The following XPO7 variants were observed in gnomAD, a reference collection of about 807,000 sequenced individuals.
The protein encoded by XPO7 is exportin 7, also known as exportin-7.
A neutral mutation model predicts 144.3 loss-of-function variants in XPO7; 21 were observed. That is an observed-to-expected ratio of 0.15 (90% confidence interval 0.10 to 0.21). XPO7 has a LOEUF of 0.21. XPO7 is among the 10% of genes least tolerant of loss of function. The pLI is 1.00. For missense variants in XPO7, 808 were observed against 1,325.8 expected (o/e 0.61, Z 6.06); for synonymous variants, 580 against 499.6 (o/e 1.16, Z -2.15).
intron 8 of XPO7, among the ~76,000 whole-genome samples, chr8:21,979,443 T>C (rs1812332600): frequency 2.7e-5 from 4 of 150,856 alleles, no homozygotes; most frequent in Admixed American, 2.6e-4. Context: ...AGTCTCTCAC[T>C]GTTGCCCGGG....
intron 7 of XPO7, among the ~76,000 whole-genome samples, chr8:21,977,070 T>C (rs878873): frequency 0.58 from 88,402 of 152,170 alleles, 26,480 homozygotes; most frequent in African/African-American, 0.74. Flanking sequence ...ATTTCACCTT[T>C]TTGCATTAAT....
intron 9 of XPO7, among the ~76,000 whole-genome samples, chr8:21,980,529 T>C (rs1812370271): frequency 6.6e-6 from 1 of 152,146 alleles, no homozygotes; most frequent in Non-Finnish European, 1.5e-5. Flanking sequence ...CCCAACAGTT[T>C]GGGAGGCCAA....
At chr8:21,959,520 C>G (rs1265838135) in intron 1 of XPO7, among the ~76,000 whole-genome samples, 2 of 152,184 alleles carry the variant, frequency 1.3e-5, no homozygotes, top group Non-Finnish European at 2.9e-5. Context: ...ACTGAATCAA[C>G]TCCAAAAGAA....
At chr8:21,939,637 C>G (rs779554556) in intron 1 of XPO7, among the ~76,000 whole-genome samples, 4 of 152,166 alleles carry the variant, frequency 2.6e-5, no homozygotes, top group Non-Finnish European at 5.9e-5. Context: ...TATGAGCTGT[C>G]TCTAGATTTT....
At chr8:21,995,122 G>A (rs17500724) in intron 20 of XPO7, among the ~76,000 whole-genome samples, 3,703 of 152,006 alleles carry the variant, frequency 0.024, 76 homozygotes, top group Middle Eastern at 0.037. Flanking sequence ...TAACTTTACT[G>A]ACTTCATACC....
chr8:21,932,213 C>G (rs1289956762), intron 1 of XPO7, among the ~76,000 whole-genome samples: 1 of 152,112 alleles, frequency 6.6e-6, no homozygotes, highest in Non-Finnish European at 1.5e-5. Context: ...TCCTTATTTG[C>G]TGACTTGATT....
rs1285583138 is a variant in XPO7, at chr8:22,005,938, G to T, written c.*850G>T. On this transcript the variant is annotated 3_prime_UTR_variant, in exon 28 of 28. Transcript: ENST00000252512. ...AGTTGGATTTAACGACGTGTTGTAG[G>T]GTTCTTGGTCTGTGTGAAGGCAGAG... 1.3e-5 allele frequency: 2 copies of T among 152,242 alleles called. No individual in the cohort carries two copies. Among genetic ancestry groups the T allele is most frequent in the African/African-American group, 4.8e-5 (2 of 41,434 alleles). The allele number at this position is 152,242 out of a possible 1,614,324, so 9.4% of individuals were successfully genotyped here.
chr8:22,003,396 T>C (rs767505937), intron 26 of XPO7, 79 bp downstream of exon 26: 1 of 1,160,130 alleles, frequency 8.6e-7, no homozygotes, highest in Non-Finnish European at 1.2e-6. Context: ...CTGGGAGAAA[T>C]GTGTATAGAA....
intron 1 of XPO7, among the ~76,000 whole-genome samples, chr8:21,960,637 G>T (rs532943893): frequency 1.3e-5 from 2 of 152,126 alleles, no homozygotes; most frequent in Non-Finnish European, 2.9e-5. Flanking sequence ...TCTCATGCAC[G>T]CCAGGCTCTG....
chr8:21,968,978 T>G (rs1214291828), intron 2 of XPO7, among the ~76,000 whole-genome samples: 1 of 152,258 alleles, frequency 6.6e-6, no homozygotes, highest in Admixed American at 6.5e-5. Context: ...AATAGCTGAT[T>G]GATAGCTGCG....
chr8:21,992,166 G>C (rs539557519), intron 19 of XPO7, among the ~76,000 whole-genome samples, 192 bp downstream of exon 19: 1 of 152,158 alleles, frequency 6.6e-6, no homozygotes, highest in South Asian at 2.1e-4. Flanking sequence ...ATTTACTTAA[G>C]TAGTTCTTAG....
Position 21,970,164 on chromosome 8 carries a change from C to T in XPO7, c.280C>T (p.Leu94Phe), listed in dbSNP as rs985698971. The change falls in exon 4 of 28, where the codon CTT becomes TTT. Residue 94 changes from leucine to phenylalanine, a missense_variant. Transcript: ENST00000252512. ...IDIRNYVLNY[L>F]ATRPKLATFV... is the part of the protein sequence containing the mutation. ...AATAGGGAACTATGTGCTCAACTAC[C>T]TTGCCACTCGGCCGAAGTTGGCTAC... 1.2e-6 allele frequency: 2 copies of T among 1,612,958 alleles called. No individual in the cohort carries two copies. The highest frequency in any genetic ancestry group is 8.5e-7 in the Non-Finnish European group (1 of 1,179,480).
intron 5 of XPO7, 171 bp downstream of exon 5, chr8:21,972,112 C>T (rs1019234553): frequency 6.3e-5 from 35 of 551,434 alleles, no homozygotes; most frequent in Non-Finnish European, 7.1e-5. Flanking sequence ...GTAATTGCAA[C>T]TCACCTCACT....
chr8:22,002,258 G>C lies in XPO7; in HGVS notation c.2929G>C (p.Glu977Gln). 1 of 1,612,844 alleles carries C rather than the reference G, an allele frequency of 6.2e-7. No individual in the cohort carries two copies. Among genetic ancestry groups the C allele is most frequent in the Non-Finnish European group, 8.5e-7 (1 of 1,179,454 alleles). Residue 977 changes from glutamate (E) to glutamine (Q), a missense_variant, in exon 25 of 28, where the codon GAG becomes CAG. Physicochemically the swap from Glu to Gln is conservative, Grantham distance 29 (BLOSUM62 2). Around this residue, in one of 5 missense-constraint regions of XPO7, gnomAD observed 140 missense variants for 237.9 expected, o/e 0.59. Coordinates refer to ENST00000252512, the MANE Select transcript of XPO7 (RefSeq NM_015024.5). ...TCTGCACATCATGCAGCAGCATCCA[G>C]AGATGATCCAGCAGGTAAGAAAGTG... ...RFLHIMQQHP[E>Q]MIQQMLSTVL... is the part of the protein sequence containing the mutation.
At chr8:21,976,284 T>C (rs1411978891) in intron 6 of XPO7, 72 bp from the exon 7 acceptor site, 3 of 1,539,206 alleles carry the variant, frequency 1.9e-6, no homozygotes, top group Admixed American at 3.6e-5. Flanking sequence ...ACTTAACAGC[T>C]TTGTTGAGTC....
At chr8:21,988,045 T>G (rs1445903242) in intron 15 of XPO7, among the ~76,000 whole-genome samples, 188 bp downstream of exon 15, 1 of 152,222 alleles carries the variant, frequency 6.6e-6, no homozygotes, top group East Asian at 1.9e-4. Context: ...CATTCCAGGC[T>G]TGTACAGGCA....
At chr8:21,933,450 G>A (rs1296874615) in intron 1 of XPO7, among the ~76,000 whole-genome samples, 1 of 152,070 alleles carries the variant, frequency 6.6e-6, no homozygotes, top group African/African-American at 2.4e-5. Context: ...TTATTTAATA[G>A]ATAATATAAT....
intron 13 of XPO7, among the ~76,000 whole-genome samples, chr8:21,986,135 CTTTT>C (rs573860240): frequency 3.0e-5 from 4 of 132,266 alleles, no homozygotes; most frequent in Admixed American, 1.5e-4. Context: ...TTTATCAAAA[CTTTT>C]TTTTTTTTTT....
intron 1 of XPO7, among the ~76,000 whole-genome samples, chr8:21,948,791 T>C (rs1811273929): frequency 6.6e-6 from 1 of 152,230 alleles, no homozygotes; most frequent in African/African-American, 2.4e-5. Context: ...CCTGAATTCA[T>C]TTAACATTTT....
Sources: allele counts gnomAD v4.1 joint callset (sites outside exome capture counted in the v4.1 genomes callset), GRCh38; gene constraint gnomAD v4.1.1; regional missense constraint gnomAD v4.1.1; transcripts MANE v1.5; gene names NCBI Gene and HGNC (gene_info 2026-07-23, HGNC 2026-07-21).